HIC2: variants seen among roughly 807,000 people sequenced by gnomAD.
The protein encoded by HIC2 is HIC ZBTB transcriptional repressor 2.
Under a neutral mutation model 39.5 loss-of-function variants are expected in HIC2, and 2 were observed. The ratio of observed to expected loss-of-function variants is 0.05; its 90% confidence interval spans 0.02 to 0.16. The LOEUF (loss-of-function observed/expected upper bound fraction) is 0.16, where lower values mean the gene tolerates loss of function less well. Ranked by LOEUF, HIC2 falls within the 10% of genes least tolerant of loss-of-function variation. The pLI, the probability that HIC2 is intolerant of heterozygous loss-of-function variation, is 1.00. For missense variants in HIC2, 713 were observed against 863.5 expected, an observed-to-expected ratio of 0.83 and a Z score of 2.18; for synonymous variants, 399 against 368.8, an observed-to-expected ratio of 1.08 and a Z score of -0.94.
rs1014404123 is a variant in HIC2, at chr22:21,450,042, G to C, written c.*3299G>C. On this transcript the variant is annotated 3_prime_UTR_variant, in exon 3 of 3. Coordinates refer to ENST00000407464, the MANE Select transcript of HIC2 (RefSeq NM_015094.3). ...CCCAGGCAGCGGAAGGGGCTGACTG[G>C]GTCTGGTCCTTACCAACATAGACGG... 1 of 152,776 alleles carries C rather than the reference G, an allele frequency of 6.5e-6. No homozygotes were observed. Among genetic ancestry groups the C allele is most frequent in the African/African-American group, 2.4e-5 (1 of 41,458 alleles). The allele number at this position is 152,776 out of a possible 1,614,324, so 9.5% of individuals were successfully genotyped here.
chr22:21,449,069 A>G lies in HIC2; in HGVS notation c.*2326A>G, dbSNP rs930006428. On this transcript the variant is annotated 3_prime_UTR_variant, in exon 3 of 3. Coordinates refer to ENST00000407464, the MANE Select transcript of HIC2 (RefSeq NM_015094.3). ...ACTGGGAGCAGAGGCCCCTCACTCA[A>G]CGACGTTTGTGCGACATAGTATTGT... The G allele has an allele frequency of 6.6e-6, 1 of 152,658 alleles. No individual in the cohort carries two copies. Among genetic ancestry groups the G allele is most frequent in the South Asian group, 2.1e-4 (1 of 4,826 alleles). The allele number at this position is 152,658 out of a possible 1,614,324, so 9.5% of individuals were successfully genotyped here. A position where few individuals can be genotyped will look rare whatever the true frequency, so the allele number is the denominator to read the frequency against.
rs1923869593 is a variant in HIC2 at position 21,446,808 on chromosome 22, A to T, written c.*65A>T. Reference sequence around the variant, plus strand: ...CCGGGAACCCATGGAAGGAGAAGCGAGGTGATGCAGCAGCAGGGGCAAGAC... The same window carrying T: ...CCGGGAACCCATGGAAGGAGAAGCGTGGTGATGCAGCAGCAGGGGCAAGAC... On this transcript the variant is annotated 3_prime_UTR_variant, in exon 3 of 3. Transcript: ENST00000407464. 6.5e-7 allele frequency: 1 copy of T among 1,544,390 alleles called. No individual in the cohort carries two copies. The highest frequency in any genetic ancestry group is 8.7e-7 in the Non-Finnish European group (1 of 1,145,514).
rs1427440172 is a variant in HIC2 at position 21,446,795 on chromosome 22, G to A, written c.*52G>A. On this transcript the variant is annotated 3_prime_UTR_variant, in exon 3 of 3. Coordinates refer to ENST00000407464, the MANE Select transcript of HIC2 (RefSeq NM_015094.3). ...GCCACCTTGCTCCCCGGGAACCCAT[G>A]GAAGGAGAAGCGAGGTGATGCAGCA... 2 of 1,556,772 alleles carry A rather than the reference G, an allele frequency of 1.3e-6. No individual in the cohort carries two copies. The highest frequency in any genetic ancestry group is 1.7e-6 in the Non-Finnish European group (2 of 1,149,956).
intron 1 of HIC2, among the ~76,000 whole-genome samples, chr22:21,432,299 T>A (rs1923342707): frequency 1.1e-5 from 1 of 89,362 alleles, no homozygotes; most frequent in Non-Finnish European, 2.2e-5. Context: ...GTGTCCTGTT[T>A]GAACCTCGCT....
chr22:21,449,216 GTTTTC>G lies in HIC2; in HGVS notation c.*2478_*2482del, dbSNP rs1390630374. 6.6e-6 allele frequency: 1 copy of G among 152,638 alleles called. No individual in the cohort carries two copies. The highest frequency in any genetic ancestry group is 2.4e-5 in the African/African-American group (1 of 41,426). 9.5% of individuals were successfully genotyped at this position (152,638 alleles called of 1,614,324 possible). A position where few individuals can be genotyped will look rare whatever the true frequency, so the allele number is the denominator to read the frequency against. On this transcript the variant is annotated 3_prime_UTR_variant, in exon 3 of 3. Coordinates refer to ENST00000407464, the MANE Select transcript of HIC2 (RefSeq NM_015094.3). ...CGGGATTAACACAACATTTGGCTTT[GTTTTC>G]TTTTTCCTTTGATTTCCACATCAGG... is the stretch of plus-strand genomic sequence containing the variant.
In HIC2 at chr22:21,446,158, C is replaced by T; in HGVS notation, c.1263C>T (p.Ala421=). ...GGAGCGAGGGGGGCAGCGGCCATGC[C>T]AGCGCCCACTACATGTACCGGCAGG... The part of the protein sequence containing the change: ...QSGSEGGSGH[A]SAHYMYRQEG... Residue 421 remains alanine, a synonymous_variant, in exon 3 of 3, where the codon GCC becomes GCT. Coordinates refer to ENST00000407464, the MANE Select transcript of HIC2 (RefSeq NM_015094.3). 1.9e-6 allele frequency: 3 copies of T among 1,609,446 alleles called. No individual in the cohort carries two copies. Among genetic ancestry groups the T allele is most frequent in the Non-Finnish European group, 2.5e-6 (3 of 1,179,942 alleles).
In HIC2 at chr22:21,444,923, T is replaced by C. The variant is rs974389753; in HGVS notation, c.28T>C (p.Trp10Arg). The C allele has an allele frequency of 6.2e-7, 1 of 1,608,766 alleles. No homozygotes were observed. The highest frequency in any genetic ancestry group is 1.7e-5 in the Admixed American group (1 of 59,872). ...ATGCGTGCCTGTTCTTGCCCACAGG[T>C]GGTGCGCGTGGGCAGGGCGCGGGGA... The part of the protein sequence containing the change: MVSGPLALR[W>R]CAWAGRGDMG... The change falls in exon 3 of 3, where the codon TGG (tryptophan) becomes CGG (arginine). Residue 10 changes from tryptophan to arginine, a missense_variant and splice_region_variant. Trp to Arg is a moderately radical substitution (Grantham distance 101). This residue lies in a region of HIC2 where 102 missense variants were observed against 187.1 expected (regional missense o/e 0.55). Coordinates refer to ENST00000407464, the MANE Select transcript of HIC2 (RefSeq NM_015094.3).
chr22:21,444,427 G>C (rs1923687975), intron 2 of HIC2, among the ~76,000 whole-genome samples: 1 of 152,236 alleles, frequency 6.6e-6, no homozygotes, highest in Admixed American at 6.5e-5. Flanking sequence ...AGTTTGATTT[G>C]GGCCCTGCCG....
In HIC2 at chr22:21,445,981, G is replaced by A. The variant is rs572782489; in HGVS notation, c.1086G>A (p.Pro362=). ...RREAGPKGPC[P]GEEGEGVGDR... ...AAGCAGGGCCCAAGGGTCCCTGCCCGGGAGAGGAGGGTGAGGGGGTCGGGG... is the reference window on the plus strand; with the variant it reads ...AAGCAGGGCCCAAGGGTCCCTGCCCAGGAGAGGAGGGTGAGGGGGTCGGGG... Residue 362 remains proline (P), a synonymous_variant, in exon 3 of 3, where the codon CCG becomes CCA. Coordinates refer to ENST00000407464, the MANE Select transcript of HIC2 (RefSeq NM_015094.3). 118 of 1,561,974 alleles carry A rather than the reference G, an allele frequency of 7.6e-5. 2 individuals carry two copies. The African/African-American group carries it at 9.3e-4, about 12-fold the overall frequency.
In HIC2 at chr22:21,445,626, A is replaced by T. The variant is rs1239075457; in HGVS notation, c.731A>T (p.Glu244Val). ...TNGSSGGCEQ[E>V]LGLDLSKKSP... ...GGGAGCAGCGGGGGCTGCGAGCAGG[A>T]GCTGGGCTTGGACCTGTCCAAGAAA... Residue 244 changes from glutamate (E) to valine (V), a missense_variant, in exon 3 of 3, where the codon GAG becomes GTG. By Grantham distance (121) the Glu-to-Val change is moderately radical. Around this residue, in one of 5 missense-constraint regions of HIC2, gnomAD observed 457 missense variants for 420.2 expected, o/e 1.09. Coordinates refer to ENST00000407464, the MANE Select transcript of HIC2 (RefSeq NM_015094.3). The T allele has an allele frequency of 6.3e-7, 1 of 1,582,374 alleles. No individual in the cohort carries two copies. Among genetic ancestry groups the T allele is most frequent in the African/African-American group, 1.4e-5 (1 of 73,838 alleles).
rs1453117798 is a variant in HIC2, at chr22:21,450,668, A to C, written c.*3925A>C. 1.3e-5 allele frequency: 2 copies of C among 152,816 alleles called. No individual in the cohort carries two copies. Among genetic ancestry groups the C allele is most frequent in the Admixed American group, 6.5e-5 (1 of 15,288 alleles). The allele number at this position is 152,816 out of a possible 1,614,324, so 9.5% of individuals were successfully genotyped here. A position where few individuals can be genotyped will look rare whatever the true frequency, so the allele number is the denominator to read the frequency against. ...CCCTGGCATGCCCCCTAAAGGGACC[A>C]AGGTCCTCCTATTTCCCAGAACCCC... On this transcript the variant is annotated 3_prime_UTR_variant, in exon 3 of 3. Transcript: ENST00000407464.
chr22:21,445,208 C>G lies in HIC2; in HGVS notation c.313C>G (p.Leu105Val). 6.2e-7 allele frequency: 1 copy of G among 1,613,946 alleles called. No individual in the cohort carries two copies. The highest frequency in any genetic ancestry group is 8.5e-7 in the Non-Finnish European group (1 of 1,180,028). ...CTTGGACTTCATCTACACAGGCAAG[C>G]TGCTGCCCAGCGACCAGCCAGCCGA... ...QILDFIYTGK[L>V]LPSDQPAEPN... The change falls in exon 3 of 3, where the codon CTG becomes GTG. Residue 105 changes from leucine (L) to valine (V), a missense_variant. Physicochemically the swap from Leu to Val is conservative, Grantham distance 32. Transcript: ENST00000407464.
Position 21,445,300 on chromosome 22 carries a change from C to T in HIC2, c.405C>T (p.Cys135=), listed in dbSNP as rs1923733974. ...AGCTGCCCGAGTTGGCAGCCCTCTG[C>T]CGCCGCAAACTCAAGCGAGCCGGCA... ...YLQLPELAAL[C]RRKLKRAGKP... Residue 135 remains cysteine (C), a synonymous_variant, in exon 3 of 3, where the codon TGC becomes TGT. Transcript: ENST00000407464. The T allele has an allele frequency of 6.2e-7, 1 of 1,607,670 alleles. No homozygotes were observed. Among genetic ancestry groups the T allele is most frequent in the Non-Finnish European group, 8.5e-7 (1 of 1,177,464 alleles).
At position 21,447,134 on chromosome 22, in the gene HIC2, G is replaced by A. The variant is rs1282899079; in HGVS notation, c.*391G>A. On this transcript the variant is annotated 3_prime_UTR_variant, in exon 3 of 3. Transcript: ENST00000407464. ...GGGAGCAGGCCTCACCCCGCTGGCC[G>A]TGTCTGTGTGTGTGCACGTGTGCTT... 3 of 236,556 alleles carry A rather than the reference G, an allele frequency of 1.3e-5. No homozygotes were observed. The highest frequency in any genetic ancestry group is 4.6e-5 in the African/African-American group (2 of 43,950). 14.7% of individuals were successfully genotyped at this position (236,556 alleles called of 1,614,324 possible).
At chr22:21,443,195 C>G (rs1923614381) in intron 2 of HIC2, among the ~76,000 whole-genome samples, 1 of 152,178 alleles carries the variant, frequency 6.6e-6, no homozygotes, top group African/African-American at 2.4e-5. Context: ...TTCACGAAGT[C>G]TCCAGCCCAT....
chr22:21,446,403 G>A lies in HIC2; in HGVS notation c.1508G>A (p.Arg503Gln), dbSNP rs746779563. ...APSAAYTAEP[R>Q]PFKCSVCEKT... ...AGTGCGGCCTACACGGCTGAGCCCC[G>A]GCCCTTCAAGTGTTCGGTCTGCGAG... The change falls in exon 3 of 3, where the codon CGG (arginine) becomes CAG (glutamine). Residue 503 changes from arginine to glutamine, a missense_variant. Physicochemically the swap from Arg to Gln is conservative, Grantham distance 43 (BLOSUM62 1). Around this residue, in one of 5 missense-constraint regions of HIC2, gnomAD observed 103 missense variants for 103.4 expected, o/e 1.00. Transcript: ENST00000407464. 56 of 1,612,036 alleles carry A rather than the reference G, an allele frequency of 3.5e-5. No homozygotes were observed. Among genetic ancestry groups the A allele is most frequent in the East Asian group, 1.8e-4 (8 of 44,870 alleles).
At position 21,449,615 on chromosome 22, in the gene HIC2, C is replaced by G. The variant is rs1230198307; in HGVS notation, c.*2872C>G. 2 of 152,924 alleles carry G rather than the reference C, an allele frequency of 1.3e-5. No individual in the cohort carries two copies. The highest frequency in any genetic ancestry group is 4.1e-4 in the South Asian group (2 of 4,830). The allele number at this position is 152,924 out of a possible 1,614,324, so 9.5% of individuals were successfully genotyped here. Reference sequence around the variant, plus strand: ...CAGTCCAGGGAACCCTCCCCTGCTGCTGGAAACCCTTCTGAGTTGGCCCTG... The same window carrying G: ...CAGTCCAGGGAACCCTCCCCTGCTGGTGGAAACCCTTCTGAGTTGGCCCTG... On this transcript the variant is annotated 3_prime_UTR_variant, in exon 3 of 3. Transcript: ENST00000407464.
chr22:21,444,083 C>T lies in HIC2; in HGVS notation c.27-839C>T, dbSNP rs539836539. On this transcript the variant is annotated intron_variant, in intron 2 of 2. Transcript: ENST00000407464. ...TCTTGCTGCTGCATAAGCAGGAACA[C>T]ACCTGGGCCGTCAGAGTTCCTGCAG... 1.2e-3 allele frequency among the ~76,000 whole-genome samples: 184 copies of T among 152,364 alleles called. 1 individual carries two copies. The highest frequency in any genetic ancestry group is 4.3e-3 in the African/African-American group (179 of 41,588).
chr22:21,444,276 T>C (rs958034118), intron 2 of HIC2, among the ~76,000 whole-genome samples: 4 of 152,226 alleles, frequency 2.6e-5, no homozygotes, highest in Admixed American at 2.6e-4. Flanking sequence ...AAGCTACCTT[T>C]CCTCCTTGGC....
Sources: gnomAD v4.1 joint callset for allele counts (sites outside exome capture counted in the v4.1 genomes callset) on GRCh38, gnomAD v4.1.1 for gene constraint, gnomAD v4.1.1 regional missense constraint, MANE v1.5 for transcripts, NCBI Gene and HGNC (gene_info 2026-07-23, HGNC 2026-07-21) for gene names.